The following TMEM135 variants were observed in gnomAD, a reference collection of about 807,000 sequenced individuals.
The protein encoded by TMEM135 is peroxisomal membrane protein 52.
TMEM135 carries 30 observed loss-of-function variants against 60.3 expected under a neutral mutation model. The ratio of observed to expected loss-of-function variants is 0.50; its 90% CI spans 0.37 to 0.68. The LOEUF is 0.68. Ranked by LOEUF, TMEM135 falls within the 30% of genes least tolerant of loss-of-function variation. The probability of loss-of-function intolerance (pLI) is 0.00; values close to 1 mark genes in which losing one functional copy is unlikely to be tolerated. For missense variants in TMEM135, 468 were observed against 548.8 expected (o/e 0.85, Z 1.47); for synonymous variants, 190 against 186.7 (o/e 1.02, Z -0.14).
At chr11:87,188,456 C>T (rs1939706342) in intron 5 of TMEM135, among the ~76,000 whole-genome samples, 1 of 152,020 alleles carries the variant, frequency 6.6e-6, no homozygotes, top group East Asian at 1.9e-4. Context: ...AATCCCAGCA[C>T]TTTGGGAGAC....
chr11:87,165,693 G>T (rs534848028), intron 5 of TMEM135, among the ~76,000 whole-genome samples: 2 of 151,406 alleles, frequency 1.3e-5, no homozygotes, highest in Non-Finnish European at 2.9e-5. Context: ...AGAAAAGCAA[G>T]AGCAAATACA....
chr11:87,081,894 A>G (rs1857000112), intron 3 of TMEM135, among the ~76,000 whole-genome samples: 1 of 152,154 alleles, frequency 6.6e-6, no homozygotes, highest in African/African-American at 2.4e-5. Flanking sequence ...CTGTTATCAC[A>G]TGGTTGCTGA....
intron 4 of TMEM135, among the ~76,000 whole-genome samples, chr11:87,094,011 G>A (rs73527073): frequency 0.096 from 14,498 of 151,630 alleles, 724 homozygotes; most frequent in African/African-American, 0.11. Context: ...TTCATATATT[G>A]GTTATAAACT....
At position 87,108,668 on chromosome 11, in the gene TMEM135, G is replaced by C. The variant is rs112345502; in HGVS notation, c.396+17273G>C. On this transcript the variant is annotated intron_variant, in intron 4 of 14. Coordinates refer to ENST00000305494, the MANE Select transcript of TMEM135 (RefSeq NM_022918.4). ...AAATCTTCGTTTCTTTTTTGACCTA[G>C]GCGTTTAGTGCTATAAATTTCCCCT... is the stretch of plus-strand genomic sequence containing the variant. Among the ~76,000 whole-genome samples, 501 of 152,000 alleles carry C rather than the reference G, an allele frequency of 3.3e-3. 6 individuals carry two copies. Among genetic ancestry groups the C allele is most frequent in the African/African-American group, 0.012 (478 of 41,496 alleles).
chr11:87,251,912 A>G (rs922306162), intron 6 of TMEM135, among the ~76,000 whole-genome samples: 2 of 152,196 alleles, frequency 1.3e-5, no homozygotes, highest in African/African-American at 4.8e-5. Flanking sequence ...TTATTGCTCT[A>G]GATGTATCCA....
At chr11:87,205,165 A>T (rs1273504391) in intron 5 of TMEM135, among the ~76,000 whole-genome samples, 2 of 152,240 alleles carry the variant, frequency 1.3e-5, no homozygotes, top group Non-Finnish European at 2.9e-5. Flanking sequence ...AGAAGAAGAA[A>T]CGAGAAGTGA....
chr11:87,231,783 TA>T (rs374056892), intron 5 of TMEM135, among the ~76,000 whole-genome samples: 154 of 151,944 alleles, frequency 1.0e-3, no homozygotes, highest in African/African-American at 3.2e-3. Context: ...GATATGGAAA[TA>T]GGGGGAAAAA....
intron 4 of TMEM135, among the ~76,000 whole-genome samples, chr11:87,118,647 A>T (rs1218118672): frequency 6.6e-6 from 1 of 151,838 alleles, no homozygotes; most frequent in Non-Finnish European, 1.5e-5. Context: ...ATGGGGTTTC[A>T]CTATGTTGGC....
chr11:87,321,063 A>G (rs761031602), intron 14 of TMEM135, 138 bp from the exon 15 acceptor site: 2 of 682,332 alleles, frequency 2.9e-6, no homozygotes, highest in Non-Finnish European at 4.8e-6. Context: ...TGTGACTTGA[A>G]TCTGCCATTG....
intron 6 of TMEM135, among the ~76,000 whole-genome samples, chr11:87,269,650 C>T (rs1271860763): frequency 1.3e-5 from 2 of 151,484 alleles, no homozygotes; most frequent in African/African-American, 4.8e-5. Context: ...CAATTTCATC[C>T]ATGTCCCTAC....
intron 4 of TMEM135, among the ~76,000 whole-genome samples, chr11:87,146,031 G>A (rs561662596): frequency 5.3e-5 from 8 of 152,218 alleles, no homozygotes; most frequent in African/African-American, 1.7e-4. Flanking sequence ...TCTTTATCCT[G>A]TGCTTTCTTT....
rs779774785 is a variant in TMEM135 at position 87,323,025 on chromosome 11, C to T, written c.*1692C>T. On this transcript the variant is annotated 3_prime_UTR_variant, in exon 15 of 15. Transcript: ENST00000305494. ...AAATGAAGTACTAAAGCCCTGAGAA[C>T]TGCACCTCATTTTCTTTATCCAGAA... The T allele has an allele frequency of 2.2e-6, 1 of 454,382 alleles. No homozygotes were observed. Among genetic ancestry groups the T allele is most frequent in the South Asian group, 1.6e-5 (1 of 64,432 alleles). The allele number at this position is 454,382 out of a possible 1,614,324, so 28.1% of individuals were successfully genotyped here.
intron 5 of TMEM135, among the ~76,000 whole-genome samples, chr11:87,161,682 G>A (rs1938885270): frequency 6.6e-6 from 1 of 152,096 alleles, no homozygotes; most frequent in Admixed American, 6.5e-5. Flanking sequence ...TAATGAACAA[G>A]CTAAGTGACT....
At chr11:87,196,865 T>C (rs1214369554) in intron 5 of TMEM135, among the ~76,000 whole-genome samples, 2 of 152,178 alleles carry the variant, frequency 1.3e-5, no homozygotes, top group East Asian at 1.9e-4. Context: ...AAAAAGTTAC[T>C]ATCCAAAATT....
intron 6 of TMEM135, among the ~76,000 whole-genome samples, chr11:87,242,382 G>C (rs1055545045): frequency 9.6e-5 from 14 of 146,436 alleles, no homozygotes; most frequent in African/African-American, 3.3e-4. Context: ...TGGGATGGCT[G>C]GGTCAAATGG....
At chr11:87,320,687 A>G (rs1393504006) in intron 14 of TMEM135, among the ~76,000 whole-genome samples, 3 of 152,200 alleles carry the variant, frequency 2.0e-5, no homozygotes, top group Non-Finnish European at 2.9e-5. Context: ...TCTATTAAAC[A>G]TTTGAAAACC....
intron 6 of TMEM135, among the ~76,000 whole-genome samples, chr11:87,276,513 T>A (rs1941968340): frequency 6.6e-6 from 1 of 151,692 alleles, no homozygotes; most frequent in Non-Finnish European, 1.5e-5. Context: ...TTTATATATA[T>A]ATATATATAC....
At chr11:87,110,578 T>C (rs1364024580) in intron 4 of TMEM135, among the ~76,000 whole-genome samples, 1 of 152,176 alleles carries the variant, frequency 6.6e-6, no homozygotes, top group Admixed American at 6.5e-5. Flanking sequence ...TTGGTGATTA[T>C]TACAAAGACT....
intron 10 of TMEM135, among the ~76,000 whole-genome samples, chr11:87,311,272 A>G (rs1161468948): frequency 6.6e-6 from 1 of 151,902 alleles, no homozygotes; most frequent in Non-Finnish European, 1.5e-5. Flanking sequence ...AATATTTTGA[A>G]ATGGAAAGGA....
Sources: allele counts gnomAD v4.1 joint callset (sites outside exome capture counted in the v4.1 genomes callset), GRCh38; gene constraint gnomAD v4.1.1; transcripts MANE v1.5; gene names NCBI Gene and HGNC (gene_info 2026-07-23, HGNC 2026-07-21).